C4orf50: variants seen among roughly 807,000 people sequenced by gnomAD.
C4orf50 encodes uncharacterized protein C4orf50.
C4orf50 carries 80 observed loss-of-function variants against 77.2 expected under a neutral mutation model. That is an observed-to-expected ratio of 1.04 (90% CI 0.87 to 1.25). The LOEUF is 1.25. C4orf50 is among the 50% of genes most tolerant of loss of function. C4orf50 has a pLI of 0.00. For synonymous variants in C4orf50, 532 were observed against 465.3 expected, an observed-to-expected ratio of 1.14 and a Z score of -1.84; for missense variants, 1,257 against 1,152.9, an observed-to-expected ratio of 1.09 and a Z score of -1.31.
intron 7 of C4orf50, among the ~76,000 whole-genome samples, chr4:5,918,355 A>G (rs1717121991): frequency 6.6e-6 from 1 of 152,224 alleles, no homozygotes; most frequent in South Asian, 2.1e-4. Flanking sequence ...TACAGAAAGC[A>G]GTGCTGCTGG....
chr4:5,988,415 C>G, exon 28 of C4orf50: 2 of 1,611,850 alleles, frequency 1.2e-6, no homozygotes, highest in African/African-American at 1.3e-5. Context: ...CTCTTCTCCT[C>G]TTTCTCCAAA....
chr4:5,936,669 G>A (rs1470554932), intron 7 of C4orf50, among the ~76,000 whole-genome samples: 1 of 148,656 alleles, frequency 6.7e-6, no homozygotes, highest in Non-Finnish European at 1.5e-5. Flanking sequence ...AACTTAACAT[G>A]AGTTTCAGAA....
intron 7 of C4orf50, among the ~76,000 whole-genome samples, chr4:5,934,467 G>T (rs189065529): frequency 1.3e-5 from 2 of 152,096 alleles, no homozygotes; most frequent in Non-Finnish European, 2.9e-5. Flanking sequence ...CTCCAGGCTC[G>T]CTGGTCTGGC....
At chr4:6,012,719 G>A (rs909447033) in intron 23 of C4orf50, among the ~76,000 whole-genome samples, 5 of 152,176 alleles carry the variant, frequency 3.3e-5, no homozygotes, top group Non-Finnish European at 7.3e-5. Context: ...TTGCAGCTCT[G>A]TGGGAGGGAG....
chr4:6,002,569 C>A (rs562973012), intron 25 of C4orf50, among the ~76,000 whole-genome samples: 1 of 152,346 alleles, frequency 6.6e-6, no homozygotes, highest in Non-Finnish European at 1.5e-5. Context: ...ACCTTGCCTG[C>A]TGCTGTCACT....
chr4:5,989,200 C>T (rs1399959629), exon 28 of C4orf50: 5 of 1,535,962 alleles, frequency 3.3e-6, no homozygotes, highest in Non-Finnish European at 4.4e-6. Flanking sequence ...CTCTTGGTCT[C>T]CGTGAAGTTT....
chr4:5,987,181 T>C (rs1720910590), intron 28 of C4orf50, among the ~76,000 whole-genome samples: 1 of 151,552 alleles, frequency 6.6e-6, no homozygotes, highest in Admixed American at 6.6e-5. Flanking sequence ...GAGGCCTAGG[T>C]GGGCAGATCG....
Position 5,994,348 on chromosome 4 carries a change from T to C in C4orf50, c.1092A>G (p.Ala364=), listed in dbSNP as rs1305162780. The C allele has an allele frequency of 7.5e-6, 3 of 399,136 alleles. No homozygotes were observed. The Admixed American group carries it at 1.3e-4, about 18-fold the overall frequency. 24.7% of individuals were successfully genotyped at this position (399,136 alleles called of 1,614,324 possible). A position where few individuals can be genotyped will look rare whatever the true frequency, so the allele number is the denominator to read the frequency against. The change falls in exon 26 of 34, where the codon GCA becomes GCG. Residue 364 remains alanine, a splice_region_variant and synonymous_variant. Coordinates refer to ENST00000531445, the Ensembl canonical transcript of C4orf50. ...CCACGCACCGCGGTACCCGCGCACCTGCTGGGGCCCTTTGTCTGGGTGCAT... is the reference window on the plus strand; with the variant it reads ...CCACGCACCGCGGTACCCGCGCACCCGCTGGGGCCCTTTGTCTGGGTGCAT...
chr4:5,954,954 C>T (rs959493964), downstream of C4orf50, among the ~76,000 whole-genome samples: 2 of 152,064 alleles, frequency 1.3e-5, no homozygotes, highest in African/African-American at 2.4e-5. The surrounding 1 kb of genome is among the most constrained non-coding windows in gnomAD (Gnocchi z 4.7). Context: ...TGGACAGGCT[C>T]GTTACAACCC....
chr4:5,977,626 G>T (rs1720359964), intron 29 of C4orf50, among the ~76,000 whole-genome samples: 1 of 152,098 alleles, frequency 6.6e-6, no homozygotes, highest in Non-Finnish European at 1.5e-5. Context: ...TCTTAGTTCT[G>T]TTTCTTTGTT....
rs1181613237 is a variant in C4orf50 at position 6,000,309 on chromosome 4, C to G, written c.964-5833G>C. Among the ~76,000 whole-genome samples, 1 of 152,174 alleles carries G rather than the reference C, an allele frequency of 6.6e-6. No individual in the cohort carries two copies. The highest frequency in any genetic ancestry group is 1.5e-5 in the Non-Finnish European group (1 of 68,024). ...ATTTCCACCAAGACATGAAGAGCCG[C>G]ATCTGGCTTTGCAGTTCCTTATCGA... On this transcript the variant is annotated intron_variant, in intron 25 of 33. Transcript: ENST00000531445. The surrounding 1 kb of genome is among the most constrained non-coding windows in gnomAD (Gnocchi z 6.0).
At chr4:5,991,654 C>A (rs113486843) in intron 27 of C4orf50, among the ~76,000 whole-genome samples, 3 of 152,234 alleles carry the variant, frequency 2.0e-5, no homozygotes, top group African/African-American at 4.8e-5. Context: ...CCAGACCTGG[C>A]AGGCTGCAGG....
chr4:5,931,709 T>C (rs1717775890), intron 7 of C4orf50, among the ~76,000 whole-genome samples: 1 of 152,106 alleles, frequency 6.6e-6, no homozygotes, highest in Non-Finnish European at 1.5e-5. Context: ...GGGATCCCTC[T>C]CGTTCAGCTC....
At chr4:6,004,131 A>T (rs1184774307) in intron 25 of C4orf50, among the ~76,000 whole-genome samples, 1 of 15,252 alleles carries the variant, frequency 6.6e-5, no homozygotes, top group South Asian at 2.4e-3. Flanking sequence ...GATAGTGATG[A>T]TGGTGATGGT....
intron 7 of C4orf50, among the ~76,000 whole-genome samples, chr4:5,941,020 T>C (rs10030310): frequency 0.013 from 2,033 of 152,284 alleles, 50 homozygotes; most frequent in African/African-American, 0.047. Context: ...AAAACCACCC[T>C]GCAGAGCCAA....
rs1717175489 is a variant in C4orf50, at chr4:5,919,509, C to T, written c.*2475-21321G>A. On this transcript the variant is annotated intron_variant, in intron 7 of 7. Coordinates refer to the C4orf50 transcript ENST00000324058. The surrounding 1 kb of genome is among the most constrained non-coding windows in gnomAD (Gnocchi z 6.5). The stretch of plus-strand genomic sequence containing the variant: ...ACAGAGACTGTGCAGGAGGCCATGT[C>T]GAGGACGTCTCCCAGGAAGGTTTCC... Among the ~76,000 whole-genome samples the T allele has an allele frequency of 1.3e-5, 2 of 152,134 alleles. No individual in the cohort carries two copies. Among genetic ancestry groups the T allele is most frequent in the South Asian group, 4.1e-4 (2 of 4,828 alleles).
intron 25 of C4orf50, among the ~76,000 whole-genome samples, chr4:6,003,335 G>C (rs899971154): frequency 6.6e-6 from 1 of 152,192 alleles, no homozygotes; most frequent in Non-Finnish European, 1.5e-5. Flanking sequence ...AAAGTCAAGA[G>C]AGAGAAAATT....
chr4:5,914,212 T>G lies in C4orf50; in HGVS notation c.*2475-16024A>C, dbSNP rs9995371. On this transcript the variant is annotated intron_variant, in intron 7 of 7. Transcript: ENST00000324058. ...GTTTTTGTTTTTATGGGTGTTTTTT[T>G]TTTTTTTTTTTTTTTGGAGTCTCGC... Among the ~76,000 whole-genome samples the G allele has an allele frequency of 0.018, 657 of 36,822 alleles. 16 individuals carry two copies. In the East Asian group the frequency reaches 0.24, roughly 13 times the overall value. 24.2% of individuals were successfully genotyped at this position (36,822 alleles called of 152,430 possible). A position where few individuals can be genotyped will look rare whatever the true frequency, so the allele number is the denominator to read the frequency against.
exon 31 of C4orf50, chr4:5,973,823 C>A (rs758275202): frequency 6.2e-7 from 1 of 1,611,882 alleles, no homozygotes; most frequent in Admixed American, 1.7e-5. Flanking sequence ...CACTTCCGGA[C>A]GAGGGAAGCT....
Sources: allele counts gnomAD v4.1 joint callset (sites outside exome capture counted in the v4.1 genomes callset), GRCh38; gene constraint gnomAD v4.1.1; non-coding constraint Gnocchi (gnomAD v3.1); transcripts MANE v1.5; gene names NCBI Gene and HGNC (gene_info 2026-07-23, HGNC 2026-07-21).